The following UBASH3B variants were observed in gnomAD, a reference collection of about 807,000 sequenced individuals.
The protein encoded by UBASH3B is ubiquitin associated and SH3 domain containing B.
Under a neutral mutation model 83.4 loss-of-function variants are expected in UBASH3B, and 37 were observed. The ratio of observed to expected loss-of-function variants is 0.44; its 90% CI spans 0.34 to 0.58. UBASH3B has a LOEUF of 0.58. Among genes scored for constraint, UBASH3B ranks in the 20% least tolerant of loss-of-function variants. The probability of loss-of-function intolerance (pLI) is 0.01; values close to 1 mark genes in which losing one functional copy is unlikely to be tolerated. For synonymous variants in UBASH3B, 304 were observed against 318.3 expected (o/e 0.96, Z 0.48); for missense variants, 657 against 827.2 (o/e 0.79, Z 2.52).
rs74446719 is a variant in UBASH3B at position 122,697,200 on chromosome 11, C to T, written c.161+40990C>T. ...TCAAGTAATTGGACTCTCCAAACAA[C>T]GGGAATGGTGGCATAACAGACCACT... is the stretch of plus-strand genomic sequence containing the variant. On this transcript the variant is annotated intron_variant, in intron 1 of 13. Transcript: ENST00000284273. Among the ~76,000 whole-genome samples the T allele has an allele frequency of 8.7e-3, 1,328 of 152,260 alleles. 4 individuals are homozygous for T. Among genetic ancestry groups the T allele is most frequent in the Non-Finnish European group, 0.015 (1,004 of 68,016 alleles).
intron 1 of UBASH3B, among the ~76,000 whole-genome samples, chr11:122,707,915 G>A (rs1013038252): frequency 1.3e-5 from 2 of 152,050 alleles, no homozygotes; most frequent in Admixed American, 6.6e-5. Context: ...GGCTGGTCTC[G>A]AACTCCTGAC....
chr11:122,700,524 T>C (rs1407375107), intron 1 of UBASH3B, among the ~76,000 whole-genome samples: 1 of 118,984 alleles, frequency 8.4e-6, no homozygotes, highest in Non-Finnish European at 1.6e-5. Flanking sequence ...TGAGATGGAG[T>C]CTCGCTCTGT....
At chr11:122,751,463 T>C (rs915827681) in intron 1 of UBASH3B, among the ~76,000 whole-genome samples, 2 of 152,242 alleles carry the variant, frequency 1.3e-5, no homozygotes, top group Admixed American at 6.5e-5. Flanking sequence ...GTCAGGGAGA[T>C]GCTGGCAGCC....
intron 1 of UBASH3B, among the ~76,000 whole-genome samples, chr11:122,660,523 G>C (rs901668737): frequency 6.6e-6 from 1 of 152,134 alleles, no homozygotes; most frequent in Non-Finnish European, 1.5e-5. Context: ...GCCAGGAGAG[G>C]GTCTGAGCCT....
intron 1 of UBASH3B, among the ~76,000 whole-genome samples, chr11:122,694,203 A>C (rs181016000): frequency 6.7e-6 from 1 of 148,970 alleles, no homozygotes; most frequent in Admixed American, 6.6e-5. Flanking sequence ...AGTACTTGTT[A>C]ATCTCTTTTT....
intron 1 of UBASH3B, among the ~76,000 whole-genome samples, chr11:122,740,031 G>A (rs571893508): frequency 7.9e-5 from 12 of 152,180 alleles, no homozygotes; most frequent in African/African-American, 2.2e-4. Flanking sequence ...TGTTCCATAC[G>A]TCCTGACATC....
At chr11:122,748,904 CT>C (rs1565551094) in intron 1 of UBASH3B, among the ~76,000 whole-genome samples, 1 of 152,094 alleles carries the variant, frequency 6.6e-6, no homozygotes, top group Non-Finnish European at 1.5e-5. Context: ...TTTTTTCTTT[CT>C]TTTTTTTAAA....
intron 1 of UBASH3B, among the ~76,000 whole-genome samples, chr11:122,674,542 G>A (rs1257991667): frequency 1.3e-5 from 2 of 151,700 alleles, no homozygotes; most frequent in African/African-American, 2.4e-5. Context: ...CACCACACCC[G>A]GCTAATTTTT....
At chr11:122,699,061 G>C (rs1864001021) in intron 1 of UBASH3B, among the ~76,000 whole-genome samples, 1 of 152,164 alleles carries the variant, frequency 6.6e-6, no homozygotes, top group African/African-American at 2.4e-5. Flanking sequence ...TGTTGGCCAG[G>C]CTGGTCTCGA....
intron 6 of UBASH3B, among the ~76,000 whole-genome samples, chr11:122,790,243 G>A (rs1008276658): frequency 6.6e-6 from 1 of 152,126 alleles, no homozygotes; most frequent in Non-Finnish European, 1.5e-5. Flanking sequence ...AGAAAATAAA[G>A]GTCCCCTACC....
At chr11:122,807,751 A>C (rs1390430277) in intron 12 of UBASH3B, among the ~76,000 whole-genome samples, 1 of 152,006 alleles carries the variant, frequency 6.6e-6, no homozygotes, top group Non-Finnish European at 1.5e-5. Flanking sequence ...ACAGGGTCTC[A>C]CTATGTTGCT....
At chr11:122,714,181 T>C (rs2361) in intron 1 of UBASH3B, among the ~76,000 whole-genome samples, 19,384 of 152,240 alleles carry the variant, frequency 0.13, 1,371 homozygotes, top group African/African-American at 0.18. Context: ...GTTTCTTTAG[T>C]GGGGCTCCCC....
At chr11:122,802,104 C>T (rs1171749529) in intron 11 of UBASH3B, among the ~76,000 whole-genome samples, 2 of 152,084 alleles carry the variant, frequency 1.3e-5, no homozygotes, top group African/African-American at 4.8e-5. Flanking sequence ...ATCGTGAGGT[C>T]AGGAGATCAA....
chr11:122,682,463 G>A (rs942922797), intron 1 of UBASH3B, among the ~76,000 whole-genome samples: 3 of 152,186 alleles, frequency 2.0e-5, no homozygotes, highest in African/African-American at 7.2e-5. Context: ...CTAACCTTCT[G>A]ACTCCAAATT....
intron 1 of UBASH3B, among the ~76,000 whole-genome samples, chr11:122,763,226 G>A (rs1211812547): frequency 1.3e-5 from 2 of 152,162 alleles, no homozygotes; most frequent in African/African-American, 2.4e-5. Context: ...GTCTTATTAT[G>A]TCACCACCCA....
At chr11:122,804,049 C>A (rs977687689) in intron 11 of UBASH3B, among the ~76,000 whole-genome samples, 2 of 152,088 alleles carry the variant, frequency 1.3e-5, no homozygotes, top group Non-Finnish European at 1.5e-5. Context: ...CAGGACGAAC[C>A]AGATCCCAGC....
At chr11:122,712,686 C>T (rs536237963) in intron 1 of UBASH3B, among the ~76,000 whole-genome samples, 1 of 152,070 alleles carries the variant, frequency 6.6e-6, no homozygotes, top group Non-Finnish European at 1.5e-5. Flanking sequence ...TTCACAGGTA[C>T]CTTCCTACCT....
chr11:122,675,982 AG>A (rs922886666), intron 1 of UBASH3B, among the ~76,000 whole-genome samples: 1 of 152,268 alleles, frequency 6.6e-6, no homozygotes, highest in African/African-American at 2.4e-5. Flanking sequence ...AAATGAGAAA[AG>A]CAAGACAGAT....
intron 1 of UBASH3B, among the ~76,000 whole-genome samples, chr11:122,705,388 G>A (rs1488001790): frequency 2.0e-5 from 3 of 151,248 alleles, no homozygotes; most frequent in Non-Finnish European, 2.9e-5. Flanking sequence ...AGAGGTTGCA[G>A]TGAGCTGAGA....
Sources: gnomAD v4.1 joint callset for allele counts (sites outside exome capture counted in the v4.1 genomes callset) on GRCh38, gnomAD v4.1.1 for gene constraint, MANE v1.5 for transcripts, NCBI Gene and HGNC (gene_info 2026-07-23, HGNC 2026-07-21) for gene names.